The following IL1RAPL2 variants were observed in gnomAD, a reference collection of about 807,000 sequenced individuals.
IL1RAPL2 encodes the protein interleukin 1 receptor accessory protein like 2.
IL1RAPL2 carries 3 observed loss-of-function variants against 44.1 expected under a neutral mutation model. The ratio of observed to expected loss-of-function variants is 0.07; its 90% CI spans 0.03 to 0.18. IL1RAPL2 has a LOEUF of 0.18. Among genes scored for constraint, IL1RAPL2 ranks in the 10% least tolerant of loss-of-function variants. IL1RAPL2 has a pLI of 1.00. For synonymous variants in IL1RAPL2, 181 were observed against 178.8 expected (o/e 1.01, Z -0.10); for missense variants, 391 against 496.4 (o/e 0.79, Z 2.02).
At chrX:105,670,895 A>G (rs1488446045) in intron 6 of IL1RAPL2, among the ~76,000 whole-genome samples, 1 of 107,195 alleles carries the variant, frequency 9.3e-6, no homozygotes, top group Non-Finnish European at 1.9e-5. Flanking sequence ...GTGCGTGTAT[A>G]TATATTATAT....
chrX:104,775,892 G>A (rs778060641), intron 2 of IL1RAPL2, among the ~76,000 whole-genome samples: 1 of 110,157 alleles, frequency 9.1e-6, no homozygotes, highest in Non-Finnish European at 1.9e-5. Flanking sequence ...TAAGTGGGGT[G>A]GGAAGGCAAG....
chrX:105,256,331 T>TCC (rs1292866245), intron 4 of IL1RAPL2, among the ~76,000 whole-genome samples: 2 of 100,901 alleles, frequency 2.0e-5, no homozygotes, highest in African/African-American at 7.3e-5. Context: ...CACAATTTTT[T>TCC]TTCTTTTTTT....
At chrX:105,218,854 C>A in intron 3 of IL1RAPL2, 1 of 693,591 alleles carries the variant, frequency 1.4e-6, no homozygotes, top group Admixed American at 2.7e-5. Context: ...CCCCACTCTT[C>A]CCAGCCTTCT....
intron 2 of IL1RAPL2, among the ~76,000 whole-genome samples, chrX:104,917,846 T>A (rs1050019631): frequency 2.7e-5 from 3 of 111,744 alleles, no homozygotes; most frequent in African/African-American, 9.8e-5. Flanking sequence ...TCGGACTGAA[T>A]TCTATACAAG....
rs945803408 is a variant in IL1RAPL2, at chrX:104,823,703, TAC to T, written c.82+164710_82+164711del. ...GACTTCCACAATGGTTGAACTAGTT[TAC>T]AGTCCCACCAACAGTATAAAAGTGT... On this transcript the variant is annotated intron_variant, in intron 2 of 10. Transcript: ENST00000372582. 4.4e-4 allele frequency among the ~76,000 whole-genome samples: 49 copies of T among 111,098 alleles called. 1 individual carries two copies. Among genetic ancestry groups the T allele is most frequent in the Middle Eastern group, 4.6e-3 (1 of 217 alleles).
intron 1 of IL1RAPL2, among the ~76,000 whole-genome samples, chrX:104,578,316 G>A (rs1192708142): frequency 8.9e-6 from 1 of 112,043 alleles, no homozygotes; most frequent in Non-Finnish European, 1.9e-5. Flanking sequence ...GTTTGAAGGG[G>A]CTCCTACTAG....
intron 2 of IL1RAPL2, among the ~76,000 whole-genome samples, chrX:104,822,530 G>C (rs759611099): frequency 6.3e-5 from 7 of 111,683 alleles, no homozygotes; most frequent in Non-Finnish European, 1.1e-4. Flanking sequence ...GCTTGTTTTT[G>C]TCAGGTTTGT....
chrX:104,634,807 C>G (rs776658759), intron 1 of IL1RAPL2, among the ~76,000 whole-genome samples: 1 of 111,833 alleles, frequency 8.9e-6, no homozygotes, highest in Non-Finnish European at 1.9e-5. Flanking sequence ...ATTTGCCAGT[C>G]TGTGTCTTTT....
intron 4 of IL1RAPL2, among the ~76,000 whole-genome samples, chrX:105,237,767 A>T (rs2034134826): frequency 9.0e-6 from 1 of 110,843 alleles, no homozygotes; most frequent in African/African-American, 3.3e-5. Flanking sequence ...GGATTGCAAA[A>T]ATTTTCTCCC....
chrX:105,589,705 T>C (rs184901075), intron 6 of IL1RAPL2, among the ~76,000 whole-genome samples: 7 of 110,860 alleles, frequency 6.3e-5, no homozygotes, highest in African/African-American at 2.3e-4. Context: ...CAGCTTTATT[T>C]CTGGGACCTC....
intron 2 of IL1RAPL2, among the ~76,000 whole-genome samples, chrX:105,125,199 A>G (rs1372691152): frequency 9.0e-6 from 1 of 110,825 alleles, no homozygotes; most frequent in Non-Finnish European, 1.9e-5. Flanking sequence ...TATCATTTCC[A>G]TGAGTGAAAG....
intron 2 of IL1RAPL2, among the ~76,000 whole-genome samples, chrX:104,988,636 T>C (rs901538815): frequency 3.6e-5 from 4 of 112,129 alleles, no homozygotes; most frequent in African/African-American, 1.3e-4. Context: ...TTGAAATAAT[T>C]TTGTTTTACT....
At chrX:104,985,098 T>A (rs968407971) in intron 2 of IL1RAPL2, among the ~76,000 whole-genome samples, 1 of 110,474 alleles carries the variant, frequency 9.1e-6, no homozygotes, top group African/African-American at 3.3e-5. Context: ...TTCTTTATTT[T>A]TTTTTTTGAG....
At chrX:104,930,889 G>A (rs187857678) in intron 2 of IL1RAPL2, among the ~76,000 whole-genome samples, 11 of 111,237 alleles carry the variant, frequency 9.9e-5, no homozygotes, top group Non-Finnish European at 1.9e-4. Context: ...AGTCTTTAAA[G>A]TGATTAAAGT....
intron 5 of IL1RAPL2, among the ~76,000 whole-genome samples, chrX:105,275,986 C>G (rs1481155255): frequency 2.7e-5 from 3 of 112,039 alleles, no homozygotes; most frequent in African/African-American, 9.7e-5. Flanking sequence ...CTGAAATAAC[C>G]TTTTATTTAA....
chrX:105,590,588 A>T (rs1292474170), intron 6 of IL1RAPL2, among the ~76,000 whole-genome samples: 1 of 110,926 alleles, frequency 9.0e-6, no homozygotes, highest in Non-Finnish European at 1.9e-5. Context: ...ATTTTTTCAA[A>T]AGCTTTTTCT....
At chrX:104,892,717 G>A (rs957265310) in intron 2 of IL1RAPL2, among the ~76,000 whole-genome samples, 3 of 110,841 alleles carry the variant, frequency 2.7e-5, no homozygotes, top group African/African-American at 9.8e-5. Context: ...CGGTCTATCA[G>A]TTTTGTTGAT....
chrX:104,802,874 A>G (rs900982496), intron 2 of IL1RAPL2, among the ~76,000 whole-genome samples: 2 of 110,944 alleles, frequency 1.8e-5, no homozygotes, highest in Non-Finnish European at 3.8e-5. Context: ...ACCTGGGTCA[A>G]TCTGAATTCT....
intron 2 of IL1RAPL2, among the ~76,000 whole-genome samples, chrX:104,663,307 C>A (rs1160694090): frequency 3.6e-5 from 4 of 111,314 alleles, no homozygotes; most frequent in Admixed American, 9.6e-5. Flanking sequence ...ACTCTTATAC[C>A]ACTTCCAAGT....
Sources: allele counts gnomAD v4.1 joint callset (sites outside exome capture counted in the v4.1 genomes callset), GRCh38; gene constraint gnomAD v4.1.1; transcripts MANE v1.5; gene names NCBI Gene and HGNC (gene_info 2026-07-23, HGNC 2026-07-21).